Variants in NALF1 observed in about 807,000 individuals in gnomAD.
The protein encoded by NALF1 is NALCN channel auxiliary factor 1.
NALF1 carries 3 observed loss-of-function variants against 48.4 expected under a neutral mutation model. That is an observed-to-expected ratio of 0.06 (90% CI 0.03 to 0.16). The LOEUF is 0.16. NALF1 is among the 10% of genes least tolerant of loss of function. The probability of loss-of-function intolerance (pLI) is 1.00; values close to 1 mark genes in which losing one functional copy is unlikely to be tolerated. For missense variants in NALF1, 526 were observed against 571.5 expected (o/e 0.92, Z 0.81); for synonymous variants, 262 against 245.7 (o/e 1.07, Z -0.62).
At chr13:107,409,412 G>A (rs529409954) in intron 1 of NALF1, among the ~76,000 whole-genome samples, 25 of 152,138 alleles carry the variant, frequency 1.6e-4, no homozygotes, top group African/African-American at 5.1e-4. Context: ...GGGAAATACG[G>A]GAAAGAATAA....
intron 1 of NALF1, among the ~76,000 whole-genome samples, chr13:107,449,690 T>C (rs1347371742): frequency 2.6e-5 from 4 of 152,144 alleles, no homozygotes; most frequent in African/African-American, 9.7e-5. Flanking sequence ...GGTCTAGAAA[T>C]GTAGGCTAGG....
intron 1 of NALF1, among the ~76,000 whole-genome samples, chr13:107,595,036 T>C (rs1878703062): frequency 6.6e-6 from 1 of 152,134 alleles, no homozygotes. Flanking sequence ...TAATTTAGCA[T>C]GTTATTATTT....
intron 1 of NALF1, among the ~76,000 whole-genome samples, chr13:107,259,462 C>T (rs866830386): frequency 6.6e-6 from 1 of 152,114 alleles, no homozygotes; most frequent in Non-Finnish European, 1.5e-5. Flanking sequence ...ATTTGTCTGT[C>T]CCCTGAGCCT....
intron 1 of NALF1, among the ~76,000 whole-genome samples, chr13:107,822,441 G>A (rs1376986808): frequency 6.6e-6 from 1 of 151,872 alleles, no homozygotes; most frequent in Non-Finnish European, 1.5e-5. Context: ...GAACTTTTTA[G>A]AAATGGAAAT....
At chr13:107,861,640 T>C (rs1489832921) in intron 1 of NALF1, among the ~76,000 whole-genome samples, 2 of 152,098 alleles carry the variant, frequency 1.3e-5, no homozygotes, top group Non-Finnish European at 2.9e-5. Context: ...AAAAATTAGC[T>C]AGGCGTGGTG....
chr13:107,674,812 G>A (rs1221735000), intron 1 of NALF1, among the ~76,000 whole-genome samples: 1 of 152,178 alleles, frequency 6.6e-6, no homozygotes. Flanking sequence ...GAAAAGTCCA[G>A]GGTGGCAAAA....
intron 1 of NALF1, among the ~76,000 whole-genome samples, chr13:107,423,920 A>AT (rs1594055333): frequency 6.6e-6 from 1 of 152,116 alleles, no homozygotes; most frequent in East Asian, 1.9e-4. Context: ...CTTGCAAGAC[A>AT]TTTTTTGCTG....
chr13:107,803,639 A>G (rs1309468899), intron 1 of NALF1, among the ~76,000 whole-genome samples: 2 of 152,190 alleles, frequency 1.3e-5, no homozygotes, highest in African/African-American at 2.4e-5. Flanking sequence ...TTTGAGCTAA[A>G]AAGTTCCCTT....
intron 1 of NALF1, among the ~76,000 whole-genome samples, chr13:107,332,953 C>T (rs988658898): frequency 3.3e-5 from 5 of 152,126 alleles, no homozygotes; most frequent in Non-Finnish European, 5.9e-5. Flanking sequence ...GCAAGCGATT[C>T]TCCTGCCTCA....
intron 1 of NALF1, among the ~76,000 whole-genome samples, chr13:107,324,735 G>A (rs915695502): frequency 2.0e-5 from 3 of 152,080 alleles, no homozygotes; most frequent in African/African-American, 4.8e-5. Context: ...AAACTTTTCT[G>A]AAATATTTCT....
Position 107,647,351 on chromosome 13 carries a change from A to T in NALF1, c.915+218331T>A, listed in dbSNP as rs111451016. Among the ~76,000 whole-genome samples, 235 of 152,016 alleles carry T rather than the reference A, an allele frequency of 1.5e-3. 2 individuals are homozygous for T. Among genetic ancestry groups the T allele is most frequent in the African/African-American group, 5.2e-3 (216 of 41,492 alleles). ...TGTCCTTTTTTACCATACAGACAAG[A>T]TGCATTTTCACTAAAAATATTCTAC... On this transcript the variant is annotated intron_variant, in intron 1 of 2. Transcript: ENST00000375915.
At chr13:107,403,188 C>CTTTTTTTTTTCTTT (rs1883839124) in intron 1 of NALF1, among the ~76,000 whole-genome samples, 1 of 42,476 alleles carries the variant, frequency 2.4e-5, no homozygotes, top group Non-Finnish European at 4.1e-5. Flanking sequence ...CTTGTTCGGG[C>CTTTTTTTTTTCTTT]TTTTTTTTTT....
chr13:107,532,954 C>G (rs914186257), intron 1 of NALF1, among the ~76,000 whole-genome samples: 1 of 151,828 alleles, frequency 6.6e-6, no homozygotes, highest in African/African-American at 2.4e-5. Flanking sequence ...AAAACAGTAG[C>G]CATTAACATA....
chr13:107,186,791 T>C (rs1879184442), intron 2 of NALF1, among the ~76,000 whole-genome samples: 1 of 152,224 alleles, frequency 6.6e-6, no homozygotes, highest in South Asian at 2.1e-4. Context: ...GATCCTTTTG[T>C]TATCTCATAG....
intron 1 of NALF1, among the ~76,000 whole-genome samples, chr13:107,306,426 T>C (rs976436070): frequency 2.0e-5 from 3 of 152,172 alleles, no homozygotes; most frequent in African/African-American, 4.8e-5. Context: ...TTGTTATTAT[T>C]TGGTATCAGT....
chr13:107,306,835 C>A (rs934048465), intron 1 of NALF1, among the ~76,000 whole-genome samples: 1 of 152,048 alleles, frequency 6.6e-6, no homozygotes, highest in Non-Finnish European at 1.5e-5. Flanking sequence ...TATGGTGGTG[C>A]CTGCCTGTAG....
chr13:107,815,873 C>T (rs1879147912), intron 1 of NALF1, among the ~76,000 whole-genome samples: 1 of 152,118 alleles, frequency 6.6e-6, no homozygotes, highest in South Asian at 2.1e-4. Context: ...AGGAGTCAGT[C>T]ACAAAGGACC....
At chr13:107,361,599 G>GA (rs765632937) in intron 1 of NALF1, among the ~76,000 whole-genome samples, 6 of 152,094 alleles carry the variant, frequency 3.9e-5, no homozygotes, top group Non-Finnish European at 7.4e-5. Flanking sequence ...AATGCAGGAG[G>GA]AAAAGTTTCC....
At chr13:107,324,237 G>C (rs1459725217) in intron 1 of NALF1, among the ~76,000 whole-genome samples, 2 of 151,974 alleles carry the variant, frequency 1.3e-5, no homozygotes, top group African/African-American at 4.8e-5. Flanking sequence ...TCTGAATCAT[G>C]GTATCTCATA....
Sources: allele counts gnomAD v4.1 joint callset (sites outside exome capture counted in the v4.1 genomes callset), GRCh38; gene constraint gnomAD v4.1.1; transcripts MANE v1.5; gene names NCBI Gene and HGNC (gene_info 2026-07-23, HGNC 2026-07-21).